Variants in SYT3 observed in about 807,000 individuals in gnomAD.
The protein encoded by SYT3 is synaptotagmin-3.
A neutral mutation model predicts 50.6 loss-of-function variants in SYT3; 25 were observed. The ratio of observed to expected loss-of-function variants is 0.49; its 90% CI spans 0.36 to 0.69. The LOEUF is 0.69. Among genes scored for constraint, SYT3 ranks in the 30% least tolerant of loss-of-function variants. The pLI is 0.00. For synonymous variants in SYT3, 323 were observed against 353.9 expected (o/e 0.91, Z 0.98); for missense variants, 589 against 793.6 (o/e 0.74, Z 3.10).
chr19:50,629,245 G>T, intron 6 of SYT3, 49 bp downstream of exon 6: 2 of 1,474,278 alleles, frequency 1.4e-6, no homozygotes, highest in Non-Finnish European at 1.8e-6. Flanking sequence ...GCAACCCGGG[G>T]GGTCTCAGGG....
the SYT3 span, among the ~76,000 whole-genome samples, chr19:50,645,456 GA>G: frequency 3.9e-5 from 6 of 152,124 alleles, no homozygotes; most frequent in Non-Finnish European, 5.9e-5. Context: ...CAGAGATGGG[GA>G]AATAGAGTGA....
rs1444205615 is a variant in SYT3 at position 50,637,683 on chromosome 19, C to T, written c.-15-257G>A. 1 of 389,992 alleles carries T rather than the reference C, an allele frequency of 2.6e-6. No homozygotes were observed. The highest frequency in any genetic ancestry group is 4.3e-5 in the East Asian group (1 of 23,288). 24.2% of individuals were successfully genotyped at this position (389,992 alleles called of 1,614,324 possible). ...CAGAAATTAGGGATGGAGATAGTAG[C>T]AGGGACTGGGTAAGTCAAGGGGACA... On this transcript the variant is annotated intron_variant, in intron 2 of 10. Coordinates refer to ENST00000600079, the MANE Select transcript of SYT3 (RefSeq NM_001160329.2). This position sits in a 1 kb window ranked among gnomAD's most constrained non-coding sequence, Gnocchi z 4.9.
the SYT3 span, chr19:50,649,458 T>G: frequency 6.1e-5 from 93 of 1,536,058 alleles, no homozygotes; most frequent in Admixed American, 1.7e-3. Context: ...CAGCCAGAGG[T>G]GGAGCCCGTG....
chr19:50,630,381 TCTCCCTCC>T (rs72133836), intron 4 of SYT3, among the ~76,000 whole-genome samples: 4 of 149,112 alleles, frequency 2.7e-5, no homozygotes, highest in Admixed American at 6.6e-5. Context: ...GCATTCCTTC[TCTCCCTCC>T]CTCCCTCCCT....
In SYT3 at chr19:50,639,866, T is replaced by C. The variant is rs140602278; in HGVS notation, c.-230A>G. 25,919 of 153,366 alleles carry C rather than the reference T, an allele frequency of 0.17. 2,311 individuals carry two copies. Among genetic ancestry groups the C allele is most frequent in the Non-Finnish European group, 0.18 (12,717 of 69,966 alleles). 9.5% of individuals were successfully genotyped at this position (153,366 alleles called of 1,614,324 possible). ...GCGCCAGCCGCGGTGCCGGCTCGGC[T>C]CCTCCCCTCGCCACTGTCGCAGGTC... On this transcript the variant is annotated 5_prime_UTR_variant, in exon 1 of 11. Coordinates refer to ENST00000600079, the MANE Select transcript of SYT3 (RefSeq NM_001160329.2). The surrounding 1 kb of genome is among the most constrained non-coding windows in gnomAD (Gnocchi z 4.6).
At chr19:50,656,875 C>T in the SYT3 span, among the ~76,000 whole-genome samples, 10 of 151,762 alleles carry the variant, frequency 6.6e-5, no homozygotes, top group African/African-American at 2.4e-4. Context: ...TCGCTTGAAC[C>T]TGGGAGGTGG....
intron 9 of SYT3, among the ~76,000 whole-genome samples, chr19:50,623,148 G>C (rs1476652656): frequency 6.6e-6 from 1 of 151,628 alleles, no homozygotes; most frequent in East Asian, 1.9e-4. Context: ...TTCATGGGCA[G>C]TGTCAGGACT....
chr19:50,649,735 G>A, the SYT3 span: 4 of 660,802 alleles, frequency 6.1e-6, no homozygotes, highest in South Asian at 6.0e-5. Flanking sequence ...CCTGGACTCA[G>A]AACTACATTT....
chr19:50,638,891 G>C (rs1423506594), intron 2 of SYT3, 134 bp downstream of exon 2: 1 of 152,612 alleles, frequency 6.6e-6, no homozygotes, highest in African/African-American at 2.4e-5. Context: ...CACATGGCTC[G>C]GAGCCAGGCA....
In SYT3 at chr19:50,632,785, T is replaced by A; in HGVS notation, c.175A>T (p.Ile59Phe). ...ADISVSLLSV[I>F]VTFCGIVLLG... ...AGGACAATGCCACAGAATGTCACGA[T>A]GACCGACAGCAGGCTCACGGAGATG... The change falls in exon 4 of 11, where the codon ATC becomes TTC. Residue 59 changes from isoleucine to phenylalanine, a missense_variant. By Grantham distance (21) the Ile-to-Phe change is conservative. This residue lies in a region of SYT3 where 316 missense variants were observed against 354.3 expected (regional missense o/e 0.89). Transcript: ENST00000600079. The surrounding 1 kb of genome is among the most constrained non-coding windows in gnomAD (Gnocchi z 4.7). 3 of 1,519,368 alleles carry A rather than the reference T, an allele frequency of 2.0e-6. No individual in the cohort carries two copies. The highest frequency in any genetic ancestry group is 1.8e-6 in the Non-Finnish European group (2 of 1,135,734). The allele number at this position is 1,519,368 out of a possible 1,614,324, so 94.1% of individuals were successfully genotyped here. A position where few individuals can be genotyped will look rare whatever the true frequency, so the allele number is the denominator to read the frequency against.
At chr19:50,654,081 C>T in the SYT3 span, among the ~76,000 whole-genome samples, 1 of 151,954 alleles carries the variant, frequency 6.6e-6, no homozygotes, top group East Asian at 1.9e-4. Context: ...ACAGAGTGGC[C>T]TTGCTTGATG....
At chr19:50,636,397 G>A (rs1209117151) in intron 3 of SYT3, among the ~76,000 whole-genome samples, 1 of 152,180 alleles carries the variant, frequency 6.6e-6, no homozygotes, top group Non-Finnish European at 1.5e-5. Flanking sequence ...ATTCAGTTCT[G>A]CCTCTGCTAC....
the SYT3 span, among the ~76,000 whole-genome samples, chr19:50,656,948 TC>T: frequency 9.1e-6 from 1 of 110,220 alleles, no homozygotes; most frequent in African/African-American, 4.2e-5. Context: ...TGAGACTCTG[TC>T]AAAAAAAAAA....
Position 50,637,494 on chromosome 19 carries a change from G to T in SYT3, c.-15-68C>A. 7.0e-7 allele frequency: 1 copy of T among 1,424,204 alleles called. No homozygotes were observed. Among genetic ancestry groups the T allele is most frequent in the Non-Finnish European group, 9.6e-7 (1 of 1,044,812 alleles). 88.2% of individuals were successfully genotyped at this position (1,424,204 alleles called of 1,614,324 possible). A position where few individuals can be genotyped will look rare whatever the true frequency, so the allele number is the denominator to read the frequency against. On this transcript the variant is annotated intron_variant, in intron 2 of 10. Transcript: ENST00000600079. This position sits in a 1 kb window ranked among gnomAD's most constrained non-coding sequence, Gnocchi z 4.9. ...GAATGGGAGTGCAGGGTGGGCAGGT[G>T]TGGAGATAAGGGTGGAAAGAGACAC...
the SYT3 span, among the ~76,000 whole-genome samples, chr19:50,657,687 T>C: frequency 1.3e-5 from 2 of 152,352 alleles, no homozygotes; most frequent in Admixed American, 6.5e-5. Context: ...ATTCGTAAAG[T>C]TGGCTAAGTT....
In SYT3 at chr19:50,625,026, A is replaced by C; in HGVS notation, c.1707+136T>G. 2.0e-6 allele frequency: 2 copies of C among 979,328 alleles called. No individual in the cohort carries two copies. Among genetic ancestry groups the C allele is most frequent in the Non-Finnish European group, 2.7e-6 (2 of 730,314 alleles). 60.7% of individuals were successfully genotyped at this position (979,328 alleles called of 1,614,324 possible). ...TAACTGGCTCTAAGCCGCACAGCTA[A>C]AGTTGGCACAGCAGGGATTGAAACC... On this transcript the variant is annotated intron_variant, in intron 9 of 10. Transcript: ENST00000600079. The surrounding 1 kb of genome is among the most constrained non-coding windows in gnomAD (Gnocchi z 7.5).
intron 4 of SYT3, among the ~76,000 whole-genome samples, chr19:50,630,693 G>C (rs1399381365): frequency 9.2e-5 from 14 of 152,090 alleles, no homozygotes; most frequent in Admixed American, 9.2e-4. Context: ...AAAGTGCTGG[G>C]ATTACAGGTG....
the SYT3 span, chr19:50,655,993 G>T: frequency 6.7e-7 from 1 of 1,497,038 alleles, no homozygotes; most frequent in East Asian, 2.5e-5. Context: ...GGCCATTTAA[G>T]CAGAATCATG....
At chr19:50,652,373 C>T in the SYT3 span, among the ~76,000 whole-genome samples, 2 of 151,942 alleles carry the variant, frequency 1.3e-5, no homozygotes, top group African/African-American at 4.8e-5. Flanking sequence ...GCTCAGAAGA[C>T]GTAGGGAAGA....
Sources: allele counts gnomAD v4.1 joint callset (sites outside exome capture counted in the v4.1 genomes callset), GRCh38; gene constraint gnomAD v4.1.1; regional missense constraint gnomAD v4.1.1; non-coding constraint Gnocchi (gnomAD v3.1); transcripts MANE v1.5; gene names NCBI Gene and HGNC (gene_info 2026-07-23, HGNC 2026-07-21).